Variants in POLE4 observed in about 807,000 individuals in gnomAD.
POLE4 encodes the protein DNA polymerase epsilon 4, accessory subunit.
A neutral mutation model predicts 15.6 loss-of-function variants in POLE4; 15 were observed. The observed-to-expected ratio is 0.96, with a 90% CI of 0.64 to 1.48. The LOEUF is 1.48. Ranked by LOEUF, POLE4 falls within the 40% of genes most tolerant of loss-of-function variation. The pLI, the probability that POLE4 is intolerant of heterozygous loss-of-function variation, is 0.00. For synonymous variants in POLE4, 83 were observed against 63.2 expected (o/e 1.31, Z -1.49); for missense variants, 205 against 151.9 (o/e 1.35, Z -1.84).
At chr2:74,962,112 GATAA>G (rs1375574132) in intron 3 of POLE4, among the ~76,000 whole-genome samples, 1 of 152,160 alleles carries the variant, frequency 6.6e-6, no homozygotes, top group African/African-American at 2.4e-5. Context: ...TTCCTGCTGT[GATAA>G]ATGAAGATTT....
At chr2:74,959,208 C>T in intron 1 of POLE4, 133 bp from the exon 2 acceptor site, 1 of 641,640 alleles carries the variant, frequency 1.6e-6, no homozygotes, top group South Asian at 1.9e-5. Flanking sequence ...AAGTCCAGGA[C>T]AATCTTAGCT....
At chr2:74,965,952 C>T (rs1190673994) in intron 3 of POLE4, among the ~76,000 whole-genome samples, 5 of 151,996 alleles carry the variant, frequency 3.3e-5, no homozygotes, top group African/African-American at 7.2e-5. Context: ...AACTGGAGCA[C>T]GTCATTTATT....
In POLE4 at chr2:74,960,154, C is replaced by T. The variant is rs77954588; in HGVS notation, c.340+8C>T. ...AATTTGCTTTTCTGGAAGGTGAGTT[C>T]CCTCTCAGTGGGCAATCATTTCCGC... On this transcript the variant is annotated splice_region_variant and intron_variant, in intron 3 of 3. Transcript: ENST00000483063. 0.047 allele frequency: 75,918 copies of T among 1,607,318 alleles called. 2,162 individuals are homozygous for T. The highest frequency in any genetic ancestry group is 0.051 in the Non-Finnish European group (60,076 of 1,173,844).
chr2:74,960,462 CT>C lies in POLE4; in HGVS notation c.340+317del, dbSNP rs371588685. 2,810 of 469,096 alleles carry C rather than the reference CT, an allele frequency of 6.0e-3. 69 individuals carry two copies. The highest frequency in any genetic ancestry group is 0.051 in the African/African-American group (2,605 of 50,754). 29.1% of individuals were successfully genotyped at this position (469,096 alleles called of 1,614,324 possible). ...TCCCTAAATGTCAGGCTTGCCCCCCCTCATCATGTTACAGATCAGAAACAAT... is the reference window on the plus strand; with the variant it reads ...TCCCTAAATGTCAGGCTTGCCCCCCCCATCATGTTACAGATCAGAAACAAT... On this transcript the variant is annotated intron_variant, in intron 3 of 3. Transcript: ENST00000483063.
At chr2:74,960,921 A>G in intron 3 of POLE4, 1 of 237,126 alleles carries the variant, frequency 4.2e-6, no homozygotes, top group Non-Finnish European at 8.7e-6. Flanking sequence ...CTCATGTTAC[A>G]GTTGCCTACA....
In POLE4 at chr2:74,969,586, T is replaced by C. The variant is rs1261333212; in HGVS notation, c.*164T>C. ...CAGAGATCTCATCAATTAGCTCTTC[T>C]CTGCAAGGTCTTCCACTATTTCTGT... On this transcript the variant is annotated 3_prime_UTR_variant, in exon 4 of 4. Coordinates refer to ENST00000483063, the MANE Select transcript of POLE4 (RefSeq NM_019896.4). The C allele has an allele frequency of 1.4e-6, 1 of 714,848 alleles. No individual in the cohort carries two copies. Among genetic ancestry groups the C allele is most frequent in the Non-Finnish European group, 2.5e-6 (1 of 393,078 alleles). The allele number at this position is 714,848 out of a possible 1,614,324, so 44.3% of individuals were successfully genotyped here. A position where few individuals can be genotyped will look rare whatever the true frequency, so the allele number is the denominator to read the frequency against.
chr2:74,963,373 TG>T (rs1310888892), intron 3 of POLE4, among the ~76,000 whole-genome samples: 1 of 152,226 alleles, frequency 6.6e-6, no homozygotes, highest in East Asian at 1.9e-4. Flanking sequence ...GCCCTGATTG[TG>T]GGTGACATTG....
chr2:74,959,033 G>T, intron 1 of POLE4, 141 bp downstream of exon 1: 1 of 747,254 alleles, frequency 1.3e-6, no homozygotes, highest in Non-Finnish European at 2.2e-6. Context: ...CGGAGGAAAG[G>T]GGCCGGGGAC....
At chr2:74,961,794 CA>C (rs1327488080) in intron 3 of POLE4, among the ~76,000 whole-genome samples, 5 of 152,184 alleles carry the variant, frequency 3.3e-5, no homozygotes, top group African/African-American at 1.2e-4. Context: ...CTCTGTCCTA[CA>C]TTGGTAGATC....
At chr2:74,963,607 A>T (rs1671256458) in intron 3 of POLE4, among the ~76,000 whole-genome samples, 1 of 151,734 alleles carries the variant, frequency 6.6e-6, no homozygotes, top group African/African-American at 2.4e-5. Flanking sequence ...CGTTCAAGAG[A>T]TTCTCACGTA....
intron 3 of POLE4, among the ~76,000 whole-genome samples, chr2:74,966,132 C>T (rs1362725754): frequency 6.7e-6 from 1 of 149,818 alleles, no homozygotes; most frequent in African/African-American, 2.5e-5. Context: ...GTTATATGCT[C>T]TATTTCTATT....
chr2:74,959,595 C>T, intron 2 of POLE4, 170 bp downstream of exon 2: 1 of 567,140 alleles, frequency 1.8e-6, no homozygotes, highest in Non-Finnish European at 3.2e-6. Context: ...AGGCTGTCTG[C>T]TTGGGGTGGC....
chr2:74,958,676 C>A lies in POLE4; in HGVS notation c.-4C>A. The A allele has an allele frequency of 6.9e-7, 1 of 1,453,608 alleles. No homozygotes were observed. The highest frequency in any genetic ancestry group is 1.5e-5 in the African/African-American group (1 of 66,228). 90.0% of individuals were successfully genotyped at this position (1,453,608 alleles called of 1,614,324 possible). A position where few individuals can be genotyped will look rare whatever the true frequency, so the allele number is the denominator to read the frequency against. ...CGGCCGCGCGCAGCACGCTCAAGGCCGGGATGGCGGCGGCGGCGGCGGCAG... is the reference window on the plus strand; with the variant it reads ...CGGCCGCGCGCAGCACGCTCAAGGCAGGGATGGCGGCGGCGGCGGCGGCAG... On this transcript the variant is annotated 5_prime_UTR_variant, in exon 1 of 4. Coordinates refer to ENST00000483063, the MANE Select transcript of POLE4 (RefSeq NM_019896.4).
intron 3 of POLE4, chr2:74,960,996 C>G (rs1671213351): frequency 5.8e-6 from 1 of 171,620 alleles, no homozygotes; most frequent in East Asian, 1.4e-4. Flanking sequence ...ACCCTGTAGA[C>G]TAAGTGTGTA....
intron 3 of POLE4, among the ~76,000 whole-genome samples, chr2:74,964,738 A>C (rs942640341): frequency 2.6e-5 from 4 of 152,140 alleles, no homozygotes; most frequent in Non-Finnish European, 5.9e-5. Flanking sequence ...TTTGAATGAC[A>C]TATCTGTTGA....
In POLE4 at chr2:74,969,805, C is replaced by T. The variant is rs968141511; in HGVS notation, c.*383C>T. On this transcript the variant is annotated 3_prime_UTR_variant, in exon 4 of 4. Coordinates refer to ENST00000483063, the MANE Select transcript of POLE4 (RefSeq NM_019896.4). Reference sequence around the variant, plus strand: ...AGAGTCACCATACCTGGTCACAGACCTTCCTGATCTTCCCTGCCAGCCATT... The same window carrying T: ...AGAGTCACCATACCTGGTCACAGACTTTCCTGATCTTCCCTGCCAGCCATT... 1 of 195,014 alleles carries T rather than the reference C, an allele frequency of 5.1e-6. No homozygotes were observed. Among genetic ancestry groups the T allele is most frequent in the African/African-American group, 2.3e-5 (1 of 43,738 alleles). 12.1% of individuals were successfully genotyped at this position (195,014 alleles called of 1,614,324 possible). A position where few individuals can be genotyped will look rare whatever the true frequency, so the allele number is the denominator to read the frequency against.
intron 2 of POLE4, 82 bp from the exon 3 acceptor site, chr2:74,960,023 C>G: frequency 8.6e-7 from 1 of 1,160,012 alleles, no homozygotes; most frequent in Non-Finnish European, 1.3e-6. Context: ...AGCCTCATGC[C>G]CTTCACTGCA....
chr2:74,969,517 TAC>T lies in POLE4; in HGVS notation c.*102_*103del. ...CTTTGAAGAACGGAGTCTTTGCACT[TAC>T]ACACACTCTTCCTGTTCTGCCTTCA... On this transcript the variant is annotated 3_prime_UTR_variant, in exon 4 of 4. Transcript: ENST00000483063. 9.4e-7 allele frequency: 1 copy of T among 1,065,212 alleles called. No homozygotes were observed. Among genetic ancestry groups the T allele is most frequent in the Admixed American group, 1.7e-5 (1 of 59,320 alleles). The allele number at this position is 1,065,212 out of a possible 1,614,324, so 66.0% of individuals were successfully genotyped here.
chr2:74,969,281 A>C, intron 3 of POLE4, 128 bp from the exon 4 acceptor site: 1 of 824,952 alleles, frequency 1.2e-6, no homozygotes, highest in Non-Finnish European at 2.1e-6. Context: ...CATCCTCAAA[A>C]TTAGTATTTT....
Sources: allele counts gnomAD v4.1 joint callset (sites outside exome capture counted in the v4.1 genomes callset), GRCh38; gene constraint gnomAD v4.1.1; transcripts MANE v1.5; gene names NCBI Gene and HGNC (gene_info 2026-07-23, HGNC 2026-07-21).